Variants in ASXL3 observed in about 807,000 individuals in gnomAD.
The protein encoded by ASXL3 is putative Polycomb group protein ASXL3.
A neutral mutation model predicts 170.6 loss-of-function variants in ASXL3; 34 were observed. That is an observed-to-expected ratio of 0.20 (90% CI 0.15 to 0.27). ASXL3 has a LOEUF of 0.27. Ranked by LOEUF, ASXL3 falls within the 10% of genes least tolerant of loss-of-function variation. The probability of loss-of-function intolerance (pLI) is 1.00; values close to 1 mark genes in which losing one functional copy is unlikely to be tolerated. For missense variants in ASXL3, 2,592 were observed against 2,695.3 expected (o/e 0.96, Z 0.85); for synonymous variants, 1,002 against 989.1 (o/e 1.01, Z -0.24).
chr18:33,665,970 T>C (rs2066249325), intron 5 of ASXL3, among the ~76,000 whole-genome samples: 1 of 152,182 alleles, frequency 6.6e-6, no homozygotes. Context: ...AGCTTGTAAA[T>C]TTCTTTCATA....
chr18:33,670,566 CTCTTAAGAGGT>C, intron 5 of ASXL3, 96 bp from the exon 6 acceptor site: 1 of 724,072 alleles, frequency 1.4e-6, no homozygotes, highest in Non-Finnish European at 2.1e-6. Context: ...GAATTTAAGT[CTCTTAAGAGGT>C]TCTATGTAAT....
At chr18:33,701,734 C>T (rs1214731130) in intron 8 of ASXL3, among the ~76,000 whole-genome samples, 10 of 152,022 alleles carry the variant, frequency 6.6e-5, no homozygotes, top group East Asian at 5.8e-4. Context: ...TCCTACTTAA[C>T]GTTTGTTGAA....
intron 2 of ASXL3, among the ~76,000 whole-genome samples, chr18:33,643,370 A>T (rs2065874242): frequency 6.6e-6 from 1 of 151,834 alleles, no homozygotes; most frequent in South Asian, 2.1e-4. Flanking sequence ...AAATAATGAA[A>T]TGAGGTCTGC....
At chr18:33,706,058 T>C (rs2066950353) in intron 8 of ASXL3, among the ~76,000 whole-genome samples, 1 of 151,842 alleles carries the variant, frequency 6.6e-6, no homozygotes, top group Admixed American at 6.6e-5. Flanking sequence ...CTCATTGCTG[T>C]GTAGTATTTC....
At chr18:33,589,230 G>A (rs900223211) in intron 1 of ASXL3, among the ~76,000 whole-genome samples, 4 of 152,196 alleles carry the variant, frequency 2.6e-5, no homozygotes, top group East Asian at 1.9e-4. Flanking sequence ...AATATCTACC[G>A]TAAAGAGTGG....
intron 1 of ASXL3, among the ~76,000 whole-genome samples, chr18:33,599,939 C>T (rs2065166479): frequency 6.6e-6 from 1 of 151,950 alleles, no homozygotes; most frequent in Non-Finnish European, 1.5e-5. Flanking sequence ...AAAAAAAGCA[C>T]GTCATATTAG....
intron 5 of ASXL3, among the ~76,000 whole-genome samples, chr18:33,666,741 A>G (rs1488510802): frequency 6.6e-6 from 1 of 152,218 alleles, no homozygotes; most frequent in Non-Finnish European, 1.5e-5. Context: ...TCACAGGACT[A>G]AGAGAAGGCC....
At chr18:33,677,675 G>A (rs1412010273) in intron 7 of ASXL3, among the ~76,000 whole-genome samples, 2 of 152,088 alleles carry the variant, frequency 1.3e-5, no homozygotes, top group African/African-American at 2.4e-5. Flanking sequence ...TAACATTCAT[G>A]TTCTGTTTGT....
intron 1 of ASXL3, among the ~76,000 whole-genome samples, chr18:33,595,185 G>A (rs1367507081): frequency 2.0e-5 from 3 of 152,032 alleles, no homozygotes; most frequent in Admixed American, 6.6e-5. Flanking sequence ...AACTTTTACC[G>A]CTAGAATTAT....
intron 8 of ASXL3, among the ~76,000 whole-genome samples, chr18:33,690,890 C>G (rs1161923481): frequency 6.6e-6 from 1 of 152,142 alleles, no homozygotes; most frequent in South Asian, 2.1e-4. Flanking sequence ...TCAGGCTACT[C>G]CTCAGTGCAG....
At chr18:33,620,712 C>T (rs1185476091) in intron 2 of ASXL3, among the ~76,000 whole-genome samples, 1 of 152,072 alleles carries the variant, frequency 6.6e-6, no homozygotes, top group East Asian at 1.9e-4. Context: ...CTCCTTTTCT[C>T]ATAAGAAGGT....
At chr18:33,721,126 T>C (rs1347185678) in intron 8 of ASXL3, among the ~76,000 whole-genome samples, 1 of 152,098 alleles carries the variant, frequency 6.6e-6, no homozygotes, top group Non-Finnish European at 1.5e-5. Context: ...ATAAGAGAAT[T>C]GTTTTCTTTC....
chr18:33,740,982 T>C (rs2067652570), intron 11 of ASXL3, among the ~76,000 whole-genome samples: 1 of 152,176 alleles, frequency 6.6e-6, no homozygotes, highest in Admixed American at 6.5e-5. Context: ...TTAAAAATAT[T>C]ATGCTTTATA....
At chr18:33,678,549 A>G (rs1839250892) in intron 7 of ASXL3, among the ~76,000 whole-genome samples, 1 of 152,198 alleles carries the variant, frequency 6.6e-6, no homozygotes, top group Non-Finnish European at 1.5e-5. Context: ...ACCTTAATGG[A>G]ACACATTCCC....
intron 1 of ASXL3, among the ~76,000 whole-genome samples, chr18:33,596,529 A>C (rs1005212302): frequency 1.3e-5 from 2 of 152,176 alleles, no homozygotes; most frequent in Admixed American, 1.3e-4. Flanking sequence ...TAACAAAGTC[A>C]TTTTATACGA....
intron 1 of ASXL3, among the ~76,000 whole-genome samples, chr18:33,590,112 T>G (rs886511828): frequency 1.7e-5 from 2 of 116,610 alleles, no homozygotes; most frequent in African/African-American, 7.2e-5. Context: ...GCTTTCTATG[T>G]TTTTTTTTTT....
chr18:33,583,550 A>G (rs1568262445), intron 1 of ASXL3, among the ~76,000 whole-genome samples: 2 of 152,204 alleles, frequency 1.3e-5, no homozygotes, highest in African/African-American at 2.4e-5. Context: ...CTATTTAGAA[A>G]GAAAATGAGT....
At chr18:33,625,355 C>G (rs1599411676) in intron 2 of ASXL3, among the ~76,000 whole-genome samples, 1 of 152,106 alleles carries the variant, frequency 6.6e-6, no homozygotes, top group Non-Finnish European at 1.5e-5. Context: ...TGAGAAGATT[C>G]TTGTACTTGA....
chr18:33,745,570 C>T lies in ASXL3; in HGVS notation c.5722C>T (p.Gln1908Ter). Residue 1908 changes from glutamine to a stop codon, truncating the protein, a stop_gained, in exon 12 of 12, where the codon CAG (glutamine) becomes TAG (stop). Transcript: ENST00000269197. LOFTEE classifies it high-confidence loss of function. ...KRLLPSCSFQ[Q>*]NLFHVDKNGG... ...GCTGCTCCCCTCGTGTAGCTTCCAGCAGAACCTATTTCATGTTGACAAGAA... is the reference window on the plus strand; with the variant it reads ...GCTGCTCCCCTCGTGTAGCTTCCAGTAGAACCTATTTCATGTTGACAAGAA... 6.2e-7 allele frequency: 1 copy of T among 1,613,996 alleles called. No individual in the cohort carries two copies. Among genetic ancestry groups the T allele is most frequent in the Non-Finnish European group, 8.5e-7 (1 of 1,179,896 alleles).
Sources: gnomAD v4.1 joint callset for allele counts (sites outside exome capture counted in the v4.1 genomes callset) on GRCh38, gnomAD v4.1.1 for gene constraint, MANE v1.5 for transcripts, NCBI Gene and HGNC (gene_info 2026-07-23, HGNC 2026-07-21) for gene names.